Variants in ESRRG observed in about 807,000 individuals in gnomAD.
ESRRG encodes estrogen-related receptor gamma.
ESRRG carries 13 observed loss-of-function variants against 44.0 expected under a neutral mutation model. The observed-to-expected ratio is 0.30, with a 90% CI of 0.19 to 0.47. The LOEUF (loss-of-function observed/expected upper bound fraction) is 0.47, where lower values mean the gene tolerates loss of function less well. Among genes scored for constraint, ESRRG ranks in the 20% least tolerant of loss-of-function variants. The pLI, the probability that ESRRG is intolerant of heterozygous loss-of-function variation, is 1.00. For missense variants in ESRRG, 395 were observed against 580.6 expected (o/e 0.68, Z 3.29); for synonymous variants, 215 against 214.6 (o/e 1.00, Z -0.02).
intron 2 of ESRRG, among the ~76,000 whole-genome samples, chr1:216,857,979 A>T (rs1261186836): frequency 2.0e-5 from 3 of 152,162 alleles, no homozygotes; most frequent in Admixed American, 2.0e-4. Context: ...GAAACCTGCG[A>T]ATCTTGGGTC....
rs1031648414 is a variant in ESRRG at position 216,953,307 on chromosome 1, A to G, written c.-105-13634T>C. Among the ~76,000 whole-genome samples, 5 of 152,130 alleles carry G rather than the reference A, an allele frequency of 3.3e-5. No homozygotes were observed. In the East Asian group the frequency reaches 9.6e-4, roughly 29 times the overall value. On this transcript the variant is annotated intron_variant, in intron 1 of 7. Transcript: ENST00000359162. The stretch of plus-strand genomic sequence containing the variant: ...TTCTCTGCAAGACAATGATTTTCCA[A>G]CTGCACTTACATATGCTGAATAGTT...
chr1:216,840,506 T>G (rs181364572), intron 2 of ESRRG, among the ~76,000 whole-genome samples: 2 of 92,520 alleles, frequency 2.2e-5, no homozygotes. Context: ...GTAGCACTTT[T>G]AATATTCTTC....
intron 2 of ESRRG, among the ~76,000 whole-genome samples, chr1:216,736,568 G>GA (rs992315138): frequency 6.6e-6 from 1 of 152,136 alleles, no homozygotes; most frequent in African/African-American, 2.4e-5. Context: ...TACCATCTCT[G>GA]AAGCTCCCCT....
At chr1:216,948,173 A>C (rs981367572) in intron 1 of ESRRG, among the ~76,000 whole-genome samples, 1 of 151,922 alleles carries the variant, frequency 6.6e-6, no homozygotes, top group African/African-American at 2.4e-5. Flanking sequence ...GTAACTAAAC[A>C]CTCTCTTTCC....
chr1:216,970,851 G>T (rs2071491581), intron 1 of ESRRG, among the ~76,000 whole-genome samples: 1 of 152,154 alleles, frequency 6.6e-6, no homozygotes, highest in Admixed American at 6.5e-5. Flanking sequence ...AAACCTACAG[G>T]GAAGGGAATA....
At chr1:216,935,666 G>C (rs1325564206) in intron 2 of ESRRG, among the ~76,000 whole-genome samples, 2 of 151,664 alleles carry the variant, frequency 1.3e-5, no homozygotes, top group African/African-American at 4.8e-5. Context: ...ATCCAGCCTG[G>C]AGTACAGTGG....
At chr1:216,788,587 G>A (rs1025764162) in intron 2 of ESRRG, among the ~76,000 whole-genome samples, 12 of 152,118 alleles carry the variant, frequency 7.9e-5, no homozygotes, top group African/African-American at 2.9e-4. Context: ...TTGTCTTCAT[G>A]TCTGCCAACA....
chr1:216,927,357 G>A (rs187770905), intron 2 of ESRRG, among the ~76,000 whole-genome samples: 3 of 152,096 alleles, frequency 2.0e-5, no homozygotes, highest in African/African-American at 7.2e-5. Flanking sequence ...GCCTGAAGAC[G>A]GCCCCTCACC....
intron 2 of ESRRG, among the ~76,000 whole-genome samples, chr1:216,776,521 T>C (rs990143649): frequency 6.6e-6 from 1 of 152,106 alleles, no homozygotes; most frequent in Non-Finnish European, 1.5e-5. Context: ...GTTGGAACTA[T>C]GTCTTATTCG....
intron 1 of ESRRG, among the ~76,000 whole-genome samples, chr1:216,699,530 T>C (rs1395371253): frequency 6.6e-6 from 1 of 152,140 alleles, no homozygotes; most frequent in Non-Finnish European, 1.5e-5. Flanking sequence ...ACTCTTGATG[T>C]TGAAAGAGGA....
At chr1:216,967,944 T>C (rs1472511987) in intron 1 of ESRRG, among the ~76,000 whole-genome samples, 1 of 152,200 alleles carries the variant, frequency 6.6e-6, no homozygotes, top group Admixed American at 6.5e-5. Context: ...TTCAAATAAG[T>C]GTACAGTGGT....
chr1:216,768,488 A>G (rs992325341), intron 2 of ESRRG, among the ~76,000 whole-genome samples: 2 of 150,976 alleles, frequency 1.3e-5, no homozygotes, highest in Admixed American at 1.3e-4. Flanking sequence ...CTATCTATCT[A>G]TCTATCTATC....
chr1:216,981,795 A>T (rs1340255587), intron 1 of ESRRG, among the ~76,000 whole-genome samples: 2 of 152,136 alleles, frequency 1.3e-5, no homozygotes, highest in Non-Finnish European at 1.5e-5. Context: ...CCTGAGGATG[A>T]GGGTCAGAGA....
intron 2 of ESRRG, among the ~76,000 whole-genome samples, chr1:216,793,232 C>A (rs1270365800): frequency 6.6e-6 from 1 of 152,120 alleles, no homozygotes; most frequent in Non-Finnish European, 1.5e-5. Flanking sequence ...GGTAGTAAGC[C>A]TCCAGGATTT....
chr1:216,921,241 G>C (rs2061797919), intron 2 of ESRRG, among the ~76,000 whole-genome samples: 1 of 152,108 alleles, frequency 6.6e-6, no homozygotes, highest in South Asian at 2.1e-4. Flanking sequence ...AAGCGTGGAG[G>C]AGTAAGACAG....
At chr1:216,621,050 C>G (rs2062149448) in intron 3 of ESRRG, among the ~76,000 whole-genome samples, 1 of 152,126 alleles carries the variant, frequency 6.6e-6, no homozygotes, top group African/African-American at 2.4e-5. Context: ...TTACAACATC[C>G]AATGAATATG....
intron 3 of ESRRG, among the ~76,000 whole-genome samples, chr1:216,588,420 G>A (rs964757992): frequency 6.6e-6 from 1 of 151,950 alleles, no homozygotes; most frequent in African/African-American, 2.4e-5. Flanking sequence ...ATTTAACTCT[G>A]GCATTATCAA....
chr1:216,840,816 A>C (rs537117333), intron 2 of ESRRG, among the ~76,000 whole-genome samples: 1 of 152,168 alleles, frequency 6.6e-6, no homozygotes, highest in African/African-American at 2.4e-5. Flanking sequence ...TTACTGATTA[A>C]GTTCTTGGTC....
intron 2 of ESRRG, among the ~76,000 whole-genome samples, chr1:216,738,793 C>T (rs1400213367): frequency 6.6e-6 from 1 of 152,112 alleles, no homozygotes; most frequent in Non-Finnish European, 1.5e-5. Flanking sequence ...TGTTTCACTT[C>T]TCTCTGCCTA....
Sources: allele counts gnomAD v4.1 joint callset (sites outside exome capture counted in the v4.1 genomes callset), GRCh38; gene constraint gnomAD v4.1.1; transcripts MANE v1.5; gene names NCBI Gene and HGNC (gene_info 2026-07-23, HGNC 2026-07-21).